The following RERE variants were observed in gnomAD, a reference collection of about 807,000 sequenced individuals.
The protein encoded by RERE is arginine-glutamic acid dipeptide repeats protein.
In RERE, 40 loss-of-function variants were observed where a neutral mutation model predicts 146.1. The observed-to-expected ratio is 0.27, with a 90% CI of 0.21 to 0.36. RERE has a LOEUF of 0.36. Ranked by LOEUF, RERE falls within the 10% of genes least tolerant of loss-of-function variation. RERE has a pLI of 1.00. For synonymous variants in RERE, 1,003 were observed against 866.0 expected (o/e 1.16, Z -2.78); for missense variants, 1,933 against 2,138.7 (o/e 0.90, Z 1.90).
intron 4 of RERE, among the ~76,000 whole-genome samples, chr1:8,597,826 G>A (rs182072647): frequency 2.0e-4 from 30 of 151,256 alleles, no homozygotes; most frequent in African/African-American, 6.3e-4. Context: ...CAGTTTTCCC[G>A]TCCATCTTCC....
intron 1 of RERE, among the ~76,000 whole-genome samples, chr1:8,753,205 G>A (rs1345947410): frequency 6.6e-6 from 1 of 152,046 alleles, no homozygotes; most frequent in Non-Finnish European, 1.5e-5. Context: ...GCTTCCCTGC[G>A]ATAAAAGGAG....
At chr1:8,632,346 A>G (rs143705506) in intron 2 of RERE, among the ~76,000 whole-genome samples, 3 of 152,240 alleles carry the variant, frequency 2.0e-5, no homozygotes, top group Non-Finnish European at 4.4e-5. Context: ...TCCTTTTCAG[A>G]AAACAATGCA....
intron 1 of RERE, among the ~76,000 whole-genome samples, chr1:8,672,891 G>C (rs1310422018): frequency 2.0e-5 from 3 of 152,112 alleles, no homozygotes; most frequent in Non-Finnish European, 1.5e-5. Flanking sequence ...AATACTATTT[G>C]CTCAGGGTAA....
At chr1:8,783,411 A>T (rs1429173334) in intron 1 of RERE, among the ~76,000 whole-genome samples, 14 of 152,176 alleles carry the variant, frequency 9.2e-5, no homozygotes, top group Admixed American at 7.9e-4. Flanking sequence ...ACTTTTCACA[A>T]GTCTACTAGC....
Position 8,566,059 on chromosome 1 carries a change from G to A in RERE, c.523-8536C>T, listed in dbSNP as rs571348921. The stretch of plus-strand genomic sequence containing the variant: ...TTTTGAGAGGGCAGAGTGAGGCCTC[G>A]CAAGTAAATTTCTTATTGCCATTGA... On this transcript the variant is annotated intron_variant, in intron 4 of 22. Coordinates refer to ENST00000400908, the MANE Select transcript of RERE (RefSeq NM_001042681.2). Among the ~76,000 whole-genome samples the A allele has an allele frequency of 1.4e-3, 212 of 152,290 alleles. 1 individual carries two copies. The highest frequency in any genetic ancestry group is 5.0e-3 in the African/African-American group (207 of 41,566).
rs371575560 is a variant in RERE at position 8,668,270 on chromosome 1, G to A, written c.-144-11829C>T. ...AAACAGTAATTCCACAGATGTTTGA[G>A]GGTGAATTAGGAGAACATAATCAAA... On this transcript the variant is annotated intron_variant, in intron 1 of 22. Coordinates refer to ENST00000400908, the MANE Select transcript of RERE (RefSeq NM_001042681.2). Among the ~76,000 whole-genome samples the A allele has an allele frequency of 7.2e-5, 11 of 152,306 alleles. No individual in the cohort carries two copies. In the East Asian group the frequency reaches 1.5e-3, roughly 21 times the overall value.
intron 17 of RERE, 36 bp from the exon 18 acceptor site, chr1:8,361,526 AG>A: frequency 6.2e-7 from 1 of 1,603,684 alleles, no homozygotes; most frequent in East Asian, 2.2e-5. Flanking sequence ...AAGTCCCAGG[AG>A]GGCAGAGCCC....
At position 8,364,902 on chromosome 1, in the gene RERE, C is replaced by A; in HGVS notation, c.1448-64G>T. The A allele has an allele frequency of 6.2e-5, 3 of 48,116 alleles. No homozygotes were observed. The highest frequency in any genetic ancestry group is 3.8e-4 in the Admixed American group (1 of 2,666). 3.0% of individuals were successfully genotyped at this position (48,116 alleles called of 1,614,324 possible). ...CCATCATGCTCAGCCAAGGCTGGGC[C>A]GGTGGGGTGGGGGGGAGGGGGGAAC... On this transcript the variant is annotated intron_variant, in intron 13 of 22. Coordinates refer to ENST00000400908, the MANE Select transcript of RERE (RefSeq NM_001042681.2). This position sits in a 1 kb window ranked among gnomAD's most constrained non-coding sequence, Gnocchi z 5.1.
intron 12 of RERE, among the ~76,000 whole-genome samples, chr1:8,369,508 T>TTAAAAAAAAAAAAAAAAAAA (rs1285019668): frequency 3.9e-5 from 3 of 76,892 alleles, no homozygotes. Flanking sequence ...CGCCTTTTAC[T>TTAAAAAAAAAAAAAAAAAAA]AAAAAAAAAA....
intron 2 of RERE, among the ~76,000 whole-genome samples, chr1:8,628,957 G>C (rs1647004750): frequency 6.6e-6 from 1 of 152,124 alleles, no homozygotes; most frequent in South Asian, 2.1e-4. Flanking sequence ...TTATTAGAAA[G>C]CTAGCAGTTC....
intron 2 of RERE, among the ~76,000 whole-genome samples, chr1:8,628,838 T>G (rs969820454): frequency 2.0e-5 from 3 of 152,154 alleles, no homozygotes; most frequent in Non-Finnish European, 4.4e-5. Context: ...AATTTATGAG[T>G]GCATGGGATG....
chr1:8,510,419 C>A (rs1557665849), intron 7 of RERE, among the ~76,000 whole-genome samples: 1 of 152,124 alleles, frequency 6.6e-6, no homozygotes, highest in African/African-American at 2.4e-5. Context: ...TGCATGTGGG[C>A]TGACTTCATC....
chr1:8,740,411 T>C (rs1640284896), intron 1 of RERE, among the ~76,000 whole-genome samples: 2 of 152,244 alleles, frequency 1.3e-5, no homozygotes, highest in African/African-American at 4.8e-5. Context: ...GCCTAGGACA[T>C]TACTATACAC....
chr1:8,390,952 C>A (rs969524669), intron 12 of RERE, among the ~76,000 whole-genome samples: 1 of 151,770 alleles, frequency 6.6e-6, no homozygotes, highest in Admixed American at 6.6e-5. Context: ...CAAAACAAAA[C>A]AAAAAAAACT....
intron 12 of RERE, among the ~76,000 whole-genome samples, chr1:8,415,536 T>C (rs1417985654): frequency 6.6e-6 from 1 of 152,230 alleles, no homozygotes; most frequent in African/African-American, 2.4e-5. Context: ...AGTTTTCATA[T>C]GTAGGATAAC....
intron 1 of RERE, among the ~76,000 whole-genome samples, chr1:8,810,561 T>G (rs1641787295): frequency 1.3e-5 from 2 of 152,122 alleles, no homozygotes; most frequent in African/African-American, 4.8e-5. Flanking sequence ...GAGCAGAGAT[T>G]GCGCCACTGC....
intron 6 of RERE, among the ~76,000 whole-genome samples, chr1:8,544,006 C>G (rs1187003812): frequency 6.6e-6 from 1 of 152,120 alleles, no homozygotes; most frequent in Admixed American, 6.5e-5. Context: ...AAAGAGTGAA[C>G]ATCCTTGGCT....
chr1:8,675,103 G>A (rs1638804751), intron 1 of RERE, among the ~76,000 whole-genome samples: 1 of 152,052 alleles, frequency 6.6e-6, no homozygotes, highest in Non-Finnish European at 1.5e-5. Flanking sequence ...GGGCCCTGGG[G>A]GAATGCACAG....
chr1:8,530,674 G>GTTTTTTTT (rs1645632322), intron 7 of RERE, among the ~76,000 whole-genome samples: 1 of 116,924 alleles, frequency 8.6e-6, no homozygotes, highest in African/African-American at 3.2e-5. Context: ...CTGAGTTTTC[G>GTTTTTTTT]TTTTCTTTTT....
Sources: allele counts gnomAD v4.1 joint callset (sites outside exome capture counted in the v4.1 genomes callset), GRCh38; gene constraint gnomAD v4.1.1; non-coding constraint Gnocchi (gnomAD v3.1); transcripts MANE v1.5; gene names NCBI Gene and HGNC (gene_info 2026-07-23, HGNC 2026-07-21).